LRP1: variants seen among roughly 807,000 people sequenced by gnomAD.
LRP1 encodes the protein prolow-density lipoprotein receptor-related protein 1.
Under a neutral mutation model 541.5 loss-of-function variants are expected in LRP1, and 51 were observed. The ratio of observed to expected loss-of-function variants is 0.09; its 90% CI spans 0.08 to 0.12. The LOEUF (loss-of-function observed/expected upper bound fraction) is 0.12. Ranked by LOEUF, LRP1 falls within the 10% of genes least tolerant of loss-of-function variation. The probability of loss-of-function intolerance (pLI) is 1.00; values close to 1 mark genes in which losing one functional copy is unlikely to be tolerated. For missense variants in LRP1, 3,878 were observed against 6,376.2 expected (o/e 0.61, Z 13.34); for synonymous variants, 2,219 against 2,470.8 (o/e 0.90, Z 3.02).
At chr12:57,157,537 G>C (rs1410455147) in intron 10 of LRP1, among the ~76,000 whole-genome samples, 1 of 152,216 alleles carries the variant, frequency 6.6e-6, no homozygotes, top group African/African-American at 2.4e-5. Context: ...CTTGAACCTG[G>C]GAGGTGGAGG....
chr12:57,137,261 CAG>C, intron 1 of LRP1, among the ~76,000 whole-genome samples: 1 of 141,042 alleles, frequency 7.1e-6, no homozygotes, highest in South Asian at 2.3e-4. Context: ...AAAAAAACAA[CAG>C]AGTTAGTTGT....
In LRP1 at chr12:57,177,730, G is replaced by A. The variant is rs71461315; in HGVS notation, c.4361+139G>A. On this transcript the variant is annotated intron_variant, in intron 26 of 88. Transcript: ENST00000243077. The surrounding 1 kb of genome is among the most constrained non-coding windows in gnomAD (Gnocchi z 6.8). ...CGGTGGCAAAGGACTGGGCACAGGAGGAGGAGGACGGAGGGGCGTGGGGAG... is the reference window on the plus strand; with the variant it reads ...CGGTGGCAAAGGACTGGGCACAGGAAGAGGAGGACGGAGGGGCGTGGGGAG... The A allele has an allele frequency of 9.8e-7, 1 of 1,024,728 alleles. No homozygotes were observed. Among genetic ancestry groups the A allele is most frequent in the Non-Finnish European group, 1.4e-6 (1 of 707,720 alleles). The allele number at this position is 1,024,728 out of a possible 1,614,324, so 63.5% of individuals were successfully genotyped here.
rs545868364 is a variant in LRP1, at chr12:57,194,493, C to T, written c.8058C>T (p.Arg2686=). Residue 2686 remains arginine (R), a synonymous_variant, in exon 49 of 89, where the codon CGC becomes CGT. Coordinates refer to ENST00000243077, the MANE Select transcript of LRP1 (RefSeq NM_002332.3). ...ANDCGDYSDE[R]DCPGVKRPRC... Reference sequence around the variant, plus strand: ...ACTGTGGGGACTACAGTGATGAGCGCGACTGCCCAGGTGGGCGGGGGCAGG... The same window carrying T: ...ACTGTGGGGACTACAGTGATGAGCGTGACTGCCCAGGTGGGCGGGGGCAGG... The T allele has an allele frequency of 1.8e-5, 29 of 1,605,712 alleles. No homozygotes were observed. The highest frequency in any genetic ancestry group is 1.7e-4 in the Middle Eastern group (1 of 6,030).
rs1486383521 is a variant in LRP1 at position 57,171,359 on chromosome 12, C to G, written c.3164-1809C>G. Among the ~76,000 whole-genome samples, 3 of 152,088 alleles carry G rather than the reference C, an allele frequency of 2.0e-5. No individual in the cohort carries two copies. In the East Asian group the frequency reaches 5.8e-4, roughly 29 times the overall value. ...CAGGTAAATGGACAGGAGGGAGGGTCTTCCAGTGGGGATGGCATGGTCCGG... is the reference window on the plus strand; with the variant it reads ...CAGGTAAATGGACAGGAGGGAGGGTGTTCCAGTGGGGATGGCATGGTCCGG... On this transcript the variant is annotated intron_variant, in intron 20 of 88. Coordinates refer to ENST00000243077, the MANE Select transcript of LRP1 (RefSeq NM_002332.3).
intron 42 of LRP1, 106 bp downstream of exon 42, chr12:57,187,562 C>A: frequency 9.0e-7 from 1 of 1,115,804 alleles, no homozygotes; most frequent in Non-Finnish European, 1.2e-6. Flanking sequence ...CAGGCCCTCA[C>A]TTGAGCTCCA....
At position 57,209,733 on chromosome 12, in the gene LRP1, A is replaced by G. The variant is rs1015391017; in HGVS notation, c.12304A>G (p.Ile4102Val). The change falls in exon 80 of 89, where the codon ATC (isoleucine) becomes GTC (valine). Residue 4102 changes from isoleucine to valine, a missense_variant. Physicochemically the swap from Ile to Val is conservative, Grantham distance 29. This residue lies in a region of LRP1 where 871 missense variants were observed against 1,212.4 expected (regional missense o/e 0.72). Transcript: ENST00000243077. ...CAGCATCGACGTCTTTGAGGATTACATCTATGGTGTCACCTACATCAATAA... is the reference window on the plus strand; with the variant it reads ...CAGCATCGACGTCTTTGAGGATTACGTCTATGGTGTCACCTACATCAATAA... The part of the protein sequence containing the change: ...PFSIDVFEDY[I>V]YGVTYINNRV... The G allele has an allele frequency of 1.1e-5, 18 of 1,614,050 alleles. No individual in the cohort carries two copies. The highest frequency in any genetic ancestry group is 1.4e-5 in the Non-Finnish European group (17 of 1,180,022).
chr12:57,178,884 C>T lies in LRP1; in HGVS notation c.4607-6C>T. 3 of 1,610,018 alleles carry T rather than the reference C, an allele frequency of 1.9e-6. No individual in the cohort carries two copies. Among genetic ancestry groups the T allele is most frequent in the Non-Finnish European group, 2.5e-6 (3 of 1,178,688 alleles). On this transcript the variant is annotated splice_region_variant and splice_polypyrimidine_tract_variant and intron_variant, in intron 27 of 88. Transcript: ENST00000243077. This position sits in a 1 kb window ranked among gnomAD's most constrained non-coding sequence, Gnocchi z 5.8. Reference sequence around the variant, plus strand: ...TGGCTTCTTCTCTTCTCCACCCTGCCCCCAGCTCCCAATCCCTGTGAGGCC... The same window carrying T: ...TGGCTTCTTCTCTTCTCCACCCTGCTCCCAGCTCCCAATCCCTGTGAGGCC...
In LRP1 at chr12:57,213,340, T is replaced by TAAAAAAAAAAAAA. The variant is rs36120382; in HGVS notation, c.*794_*806dup. The TAAAAAAAAAAAAA allele has an allele frequency of 2.1e-5, 2 of 95,616 alleles. No individual in the cohort carries two copies. The highest frequency in any genetic ancestry group is 3.9e-5 in the Non-Finnish European group (2 of 51,316). 5.9% of individuals were successfully genotyped at this position (95,616 alleles called of 1,614,324 possible). A position where few individuals can be genotyped will look rare whatever the true frequency, so the allele number is the denominator to read the frequency against. ...ACAGATATTGTTATAAATAAAATTG[T>TAAAAAAAAAAAAA]AAAAAAAAAAAAAAAAAAAAAGGCC... On this transcript the variant is annotated 3_prime_UTR_variant, in exon 89 of 89. Coordinates refer to ENST00000243077, the MANE Select transcript of LRP1 (RefSeq NM_002332.3).
Position 57,162,037 on chromosome 12 carries a change from G to A in LRP1, c.2203-280G>A, listed in dbSNP as rs2035746257. Among the ~76,000 whole-genome samples, 1 of 152,094 alleles carries A rather than the reference G, an allele frequency of 6.6e-6. No individual in the cohort carries two copies. Among genetic ancestry groups the A allele is most frequent in the Non-Finnish European group, 1.5e-5 (1 of 68,010 alleles). On this transcript the variant is annotated intron_variant, in intron 13 of 88. Transcript: ENST00000243077. The surrounding 1 kb of genome is among the most constrained non-coding windows in gnomAD (Gnocchi z 5.2). ...TGTGTGCACGTATGTGTGCGTGTGT[G>A]TGTTTGGGGACTATGAATGAATAGG...
chr12:57,140,411 AAT>A (rs1180868704), intron 2 of LRP1, among the ~76,000 whole-genome samples: 1 of 152,246 alleles, frequency 6.6e-6, no homozygotes, highest in African/African-American at 2.4e-5. Context: ...AATGAATTTG[AAT>A]ATTTTATCCA....
At chr12:57,207,141 G>T (rs1331806258) in intron 76 of LRP1, among the ~76,000 whole-genome samples, 1 of 151,848 alleles carries the variant, frequency 6.6e-6, no homozygotes, top group Non-Finnish European at 1.5e-5. Context: ...TACTTGGGAA[G>T]CTGGGGCAGG....
intron 67 of LRP1, 89 bp from the exon 68 acceptor site, chr12:57,202,332 C>T (rs2136742935): frequency 9.4e-7 from 1 of 1,063,380 alleles, no homozygotes. Flanking sequence ...TGCCCACCCT[C>T]CCTGCCAGGC....
Position 57,154,244 on chromosome 12 carries a change from A to G in LRP1, c.878A>G (p.Asn293Ser), listed in dbSNP as rs768736912. Reference protein sequence around the residue: ...EQMAIDWLTGNFYFVDDIDDR... With the variant: ...EQMAIDWLTGSFYFVDDIDDR... ...ATGGCCATCGACTGGCTGACAGGCA[A>G]CTTCTACTTTGTGGATGACATCGAT... Residue 293 changes from asparagine to serine, a missense_variant, in exon 7 of 89, where the codon AAC (asparagine) becomes AGC (serine). Asn to Ser is a conservative substitution (Grantham distance 46). Transcript: ENST00000243077. The surrounding 1 kb of genome is among the most constrained non-coding windows in gnomAD (Gnocchi z 4.6). The G allele has an allele frequency of 1.9e-6, 3 of 1,614,174 alleles. No homozygotes were observed. Among genetic ancestry groups the G allele is most frequent in the African/African-American group, 1.3e-5 (1 of 75,068 alleles).
rs780963506 is a variant in LRP1, at chr12:57,177,229, C to T, written c.4180C>T (p.Leu1394=). ...GDIEHPRAIA[L]DPRDGILFWT... is the part of the protein sequence containing the mutation. ...CATTGAGCACCCAAGGGCAATCGCA[C>T]TGGATCCCCGGGATGGGTGAGGACC... The change falls in exon 25 of 89, where the codon CTG becomes TTG. Residue 1394 remains leucine (L), a synonymous_variant. Transcript: ENST00000243077. This position sits in a 1 kb window ranked among gnomAD's most constrained non-coding sequence, Gnocchi z 6.8. 1 of 1,614,170 alleles carries T rather than the reference C, an allele frequency of 6.2e-7. No individual in the cohort carries two copies. Among genetic ancestry groups the T allele is most frequent in the African/African-American group, 1.3e-5 (1 of 75,062 alleles).
chr12:57,202,543 T>TGGGGGCG lies in LRP1; in HGVS notation c.10711+6_10711+7insGGGGGCG. On this transcript the variant is annotated splice_region_variant and intron_variant, in intron 68 of 88. Coordinates refer to ENST00000243077, the MANE Select transcript of LRP1 (RefSeq NM_002332.3). ...CTCCGATGAAGAGAGCTGCAGTACG[T>TGGGGGCG]CCCCACCCACCCAGCCCCGCATGAG... 2.6e-6 allele frequency: 4 copies of TGGGGGCG among 1,523,638 alleles called. No individual in the cohort carries two copies. Among genetic ancestry groups the TGGGGGCG allele is most frequent in the Non-Finnish European group, 3.6e-6 (4 of 1,124,814 alleles). 94.4% of individuals were successfully genotyped at this position (1,523,638 alleles called of 1,614,324 possible).
In LRP1 at chr12:57,206,096, C is replaced by A. The variant is rs970411329; in HGVS notation, c.11591-377C>A. Among the ~76,000 whole-genome samples the A allele has an allele frequency of 6.6e-6, 1 of 152,200 alleles. No homozygotes were observed. The highest frequency in any genetic ancestry group is 6.5e-5 in the Admixed American group (1 of 15,284). ...CCCCACCATGCACTCCCATGCACAC[C>A]CTCGTGCTCCATGCCAAGCACACAC... On this transcript the variant is annotated intron_variant, in intron 75 of 88. Transcript: ENST00000243077. This position sits in a 1 kb window ranked among gnomAD's most constrained non-coding sequence, Gnocchi z 4.7.
chr12:57,200,936 A>G (rs912107846), intron 64 of LRP1, 98 bp from the exon 65 acceptor site: 15 of 1,590,378 alleles, frequency 9.4e-6, no homozygotes, highest in African/African-American at 1.4e-5. Flanking sequence ...CTGGATTCCT[A>G]TGGCTCAAGC....
At position 57,197,409 on chromosome 12, in the gene LRP1, C is replaced by G; in HGVS notation, c.9162+25C>G. 6.2e-7 allele frequency: 1 copy of G among 1,610,118 alleles called. No homozygotes were observed. Among genetic ancestry groups the G allele is most frequent in the South Asian group, 1.1e-5 (1 of 90,888 alleles). ...GGTACCAAACCCAGGCCCTCCTCCCCGCTGCCCATCTCCCAGACCCAGCAC... is the reference window on the plus strand; with the variant it reads ...GGTACCAAACCCAGGCCCTCCTCCCGGCTGCCCATCTCCCAGACCCAGCAC... On this transcript the variant is annotated intron_variant, in intron 57 of 88. Coordinates refer to ENST00000243077, the MANE Select transcript of LRP1 (RefSeq NM_002332.3). The surrounding 1 kb of genome is among the most constrained non-coding windows in gnomAD (Gnocchi z 4.5).
Position 57,211,127 on chromosome 12 carries a change from C to A in LRP1, c.12917-49C>A. On this transcript the variant is annotated intron_variant, in intron 83 of 88. Coordinates refer to ENST00000243077, the MANE Select transcript of LRP1 (RefSeq NM_002332.3). This position sits in a 1 kb window ranked among gnomAD's most constrained non-coding sequence, Gnocchi z 4.3. ...AAAGCTCTGTTCAACCTATGGAGAG[C>A]CCTCATGAGGGTGGGGCTTGAGGCA... The A allele has an allele frequency of 6.3e-7, 1 of 1,585,522 alleles. No individual in the cohort carries two copies. The highest frequency in any genetic ancestry group is 8.6e-7 in the Non-Finnish European group (1 of 1,157,288).
Sources: allele counts gnomAD v4.1 joint callset (sites outside exome capture counted in the v4.1 genomes callset), GRCh38; gene constraint gnomAD v4.1.1; regional missense constraint gnomAD v4.1.1; non-coding constraint Gnocchi (gnomAD v3.1); transcripts MANE v1.5; gene names NCBI Gene and HGNC (gene_info 2026-07-23, HGNC 2026-07-21).